The following GRAMD1B variants were observed in gnomAD, a reference collection of about 807,000 sequenced individuals.
GRAMD1B encodes the protein protein Aster-B.
A neutral mutation model predicts 99.7 loss-of-function variants in GRAMD1B; 37 were observed. The ratio of observed to expected loss-of-function variants is 0.37; its 90% confidence interval spans 0.29 to 0.49. The LOEUF (loss-of-function observed/expected upper bound fraction) is 0.49. GRAMD1B is among the 20% of genes least tolerant of loss of function. The probability of loss-of-function intolerance (pLI) is 0.98; values close to 1 mark genes in which losing one functional copy is unlikely to be tolerated. For missense variants in GRAMD1B, 888 were observed against 1,009.2 expected, an observed-to-expected ratio of 0.88 and a Z score of 1.63; for synonymous variants, 427 against 387.6, an observed-to-expected ratio of 1.10 and a Z score of -1.19.
At chr11:123,542,294 G>T (rs1944612669) in intron 2 of GRAMD1B, among the ~76,000 whole-genome samples, 1 of 152,220 alleles carries the variant, frequency 6.6e-6, no homozygotes, top group Non-Finnish European at 1.5e-5. Flanking sequence ...CTCTTTCATT[G>T]AAGCAGGGCC....
chr11:123,492,263 A>G lies in GRAMD1B; in HGVS notation c.452+11370A>G, dbSNP rs1938634284. Among the ~76,000 whole-genome samples the G allele has an allele frequency of 1.3e-5, 2 of 152,098 alleles. No homozygotes were observed. Among genetic ancestry groups the G allele is most frequent in the Non-Finnish European group, 2.9e-5 (2 of 68,012 alleles). ...ATAAAGAACTTGGAAATCCTGAGAA[A>G]GGTGCGGTAGGGAACAGTGTAGTCT... On this transcript the variant is annotated intron_variant, in intron 2 of 19. Transcript: ENST00000635736. This position sits in a 1 kb window ranked among gnomAD's most constrained non-coding sequence, Gnocchi z 4.2.
At chr11:123,533,029 G>T (rs528920470) in intron 2 of GRAMD1B, among the ~76,000 whole-genome samples, 1 of 152,338 alleles carries the variant, frequency 6.6e-6, no homozygotes, top group South Asian at 2.1e-4. Flanking sequence ...AAGTGCAATG[G>T]TGCGATCTCG....
intron 4 of GRAMD1B, among the ~76,000 whole-genome samples, chr11:123,589,299 A>G (rs956532795): frequency 1.1e-4 from 16 of 151,878 alleles, no homozygotes; most frequent in Admixed American, 1.0e-3. Flanking sequence ...TACACCATGA[A>G]TGGAGAGCTG....
At chr11:123,599,366 T>C (rs1040769977) in intron 7 of GRAMD1B, 3 of 690,520 alleles carry the variant, frequency 4.3e-6, no homozygotes, top group Non-Finnish European at 8.3e-6. Context: ...GCATGGACTT[T>C]TTAGTGAGCA....
intron 2 of GRAMD1B, among the ~76,000 whole-genome samples, chr11:123,494,195 C>T (rs1019077478): frequency 1.3e-5 from 2 of 152,078 alleles, no homozygotes; most frequent in Non-Finnish European, 2.9e-5. Flanking sequence ...TAACCATATA[C>T]GACTTTTTGT....
At chr11:123,501,852 T>C (rs1280410911) in intron 2 of GRAMD1B, among the ~76,000 whole-genome samples, 1 of 152,232 alleles carries the variant, frequency 6.6e-6, no homozygotes, top group Non-Finnish European at 1.5e-5. Context: ...GCAAGTTATA[T>C]GTGGGAAAGT....
rs955677484 is a variant in GRAMD1B, at chr11:123,510,984, C to T, written c.452+30091C>T. ...GAGGTATCTGTAGCTTTCATCTGCA[C>T]TCACTTATATGTCCGTTGTTTTCTT... On this transcript the variant is annotated intron_variant, in intron 2 of 19. Coordinates refer to ENST00000635736, the MANE Select transcript of GRAMD1B (RefSeq NM_001387025.1). The surrounding 1 kb of genome is among the most constrained non-coding windows in gnomAD (Gnocchi z 4.3). Among the ~76,000 whole-genome samples the T allele has an allele frequency of 6.6e-6, 1 of 152,174 alleles. No individual in the cohort carries two copies. Among genetic ancestry groups the T allele is most frequent in the Non-Finnish European group, 1.5e-5 (1 of 68,028 alleles).
chr11:123,452,685 A>G (rs1949942471), intron 1 of GRAMD1B, among the ~76,000 whole-genome samples: 1 of 152,154 alleles, frequency 6.6e-6, no homozygotes, highest in Admixed American at 6.5e-5. Context: ...AGTTGGATAG[A>G]CATTTTGCTT....
intron 1 of GRAMD1B, among the ~76,000 whole-genome samples, chr11:123,392,696 TTG>T (rs920745216): frequency 1.6e-4 from 25 of 152,246 alleles, no homozygotes; most frequent in African/African-American, 5.1e-4. Flanking sequence ...TGGGTGACTG[TTG>T]AATGAATTTA....
chr11:123,579,508 A>G (rs552554405), intron 3 of GRAMD1B, among the ~76,000 whole-genome samples: 2 of 152,182 alleles, frequency 1.3e-5, no homozygotes, highest in Non-Finnish European at 2.9e-5. Context: ...CCAGCAGGAG[A>G]TCTCTGTGGG....
chr11:123,560,386 G>A lies in GRAMD1B; in HGVS notation c.453-16981G>A, dbSNP rs1946604909. ...AAATAACAGCAGCAGAGGGAGGTGG[G>A]GGAGAGGGAAATAAAGGGGAGTCAT... On this transcript the variant is annotated intron_variant, in intron 2 of 19. Coordinates refer to ENST00000635736, the MANE Select transcript of GRAMD1B (RefSeq NM_001387025.1). 7.7e-6 allele frequency: 9 copies of A among 1,176,274 alleles called. No homozygotes were observed. The Admixed American group carries it at 3.0e-4, about 39-fold the overall frequency. 72.9% of individuals were successfully genotyped at this position (1,176,274 alleles called of 1,614,324 possible). A position where few individuals can be genotyped will look rare whatever the true frequency, so the allele number is the denominator to read the frequency against.
chr11:123,388,566 C>T (rs1379160157), intron 1 of GRAMD1B, among the ~76,000 whole-genome samples: 4 of 151,922 alleles, frequency 2.6e-5, no homozygotes, highest in African/African-American at 7.2e-5. Context: ...CCCAGCTACT[C>T]GAGAGGCTGA....
intron 1 of GRAMD1B, among the ~76,000 whole-genome samples, chr11:123,402,301 G>A (rs1438627695): frequency 6.6e-6 from 1 of 152,198 alleles, no homozygotes; most frequent in Non-Finnish European, 1.5e-5. Flanking sequence ...ACAGGTACGA[G>A]CCACCACGCC....
chr11:123,520,967 G>A (rs1045991318), intron 2 of GRAMD1B, among the ~76,000 whole-genome samples: 14 of 152,160 alleles, frequency 9.2e-5, no homozygotes, highest in Non-Finnish European at 2.9e-5. Context: ...AAAATAACAC[G>A]AGGCATGTAT....
intron 1 of GRAMD1B, among the ~76,000 whole-genome samples, chr11:123,402,424 A>G (rs1278525931): frequency 6.6e-6 from 1 of 152,204 alleles, no homozygotes; most frequent in African/African-American, 2.4e-5. Context: ...TGTTATTTTT[A>G]TTAGCCAGCC....
chr11:123,423,243 C>CAT (rs1287731585), intron 1 of GRAMD1B, among the ~76,000 whole-genome samples: 1 of 107,286 alleles, frequency 9.3e-6, no homozygotes, highest in Admixed American at 9.1e-5. Flanking sequence ...AACAATAAGA[C>CAT]ACACACACAC....
At chr11:123,560,885 C>G (rs943745542) in intron 2 of GRAMD1B, among the ~76,000 whole-genome samples, 1 of 152,110 alleles carries the variant, frequency 6.6e-6, no homozygotes, top group African/African-American at 2.4e-5. Context: ...GAACACAAAC[C>G]TTTCAAGGCA....
At chr11:123,576,245 A>G (rs1369947924) in intron 2 of GRAMD1B, among the ~76,000 whole-genome samples, 1 of 152,200 alleles carries the variant, frequency 6.6e-6, no homozygotes, top group African/African-American at 2.4e-5. Context: ...CCCCGAGGGA[A>G]GGCTGGGATG....
chr11:123,477,215 C>T (rs1565531896), intron 1 of GRAMD1B, among the ~76,000 whole-genome samples: 1 of 16,264 alleles, frequency 6.1e-5, no homozygotes, highest in Non-Finnish European at 1.0e-4. Context: ...CCCCTCCCCC[C>T]TCCCCCTCCT....
Sources: allele counts gnomAD v4.1 joint callset (sites outside exome capture counted in the v4.1 genomes callset), GRCh38; gene constraint gnomAD v4.1.1; non-coding constraint Gnocchi (gnomAD v3.1); transcripts MANE v1.5; gene names NCBI Gene and HGNC (gene_info 2026-07-23, HGNC 2026-07-21).